GRID2: variants seen among roughly 807,000 people sequenced by gnomAD.
GRID2 encodes the protein glutamate receptor ionotropic, delta-2.
A neutral mutation model predicts 114.8 loss-of-function variants in GRID2; 33 were observed. The ratio of observed to expected loss-of-function variants is 0.29; its 90% confidence interval spans 0.22 to 0.38. The LOEUF is 0.38. Among genes scored for constraint, GRID2 ranks in the 10% least tolerant of loss-of-function variants. GRID2 has a pLI of 1.00. For missense variants in GRID2, 1,184 were observed against 1,257.7 expected, an observed-to-expected ratio of 0.94 and a Z score of 0.89; for synonymous variants, 505 against 449.9, an observed-to-expected ratio of 1.12 and a Z score of -1.55.
At chr4:93,217,870 A>G (rs1356974089) in intron 6 of GRID2, among the ~76,000 whole-genome samples, 1 of 152,094 alleles carries the variant, frequency 6.6e-6, no homozygotes, top group Admixed American at 6.6e-5. Flanking sequence ...AGAAGTAAGC[A>G]AAACCTAATA....
At chr4:93,325,711 T>C (rs1467577649) in intron 8 of GRID2, among the ~76,000 whole-genome samples, 1 of 66,474 alleles carries the variant, frequency 1.5e-5, no homozygotes, top group Non-Finnish European at 3.6e-5. Context: ...TCATTTTTCT[T>C]CTTTAAACTT....
chr4:93,178,995 T>C (rs950796151), intron 4 of GRID2, among the ~76,000 whole-genome samples: 25 of 152,122 alleles, frequency 1.6e-4, no homozygotes, highest in Non-Finnish European at 4.4e-5. Context: ...GGACCTATGC[T>C]AATAGTTTTG....
At chr4:93,554,983 C>G (rs1330050990) in intron 13 of GRID2, among the ~76,000 whole-genome samples, 1 of 152,130 alleles carries the variant, frequency 6.6e-6, no homozygotes, top group African/African-American at 2.4e-5. Flanking sequence ...TTGGGCATCA[C>G]CTCACCCAGG....
intron 2 of GRID2, among the ~76,000 whole-genome samples, chr4:92,678,647 TAAAAA>T (rs77009969): frequency 6.9e-6 from 1 of 145,556 alleles, no homozygotes; most frequent in Non-Finnish European, 1.5e-5. Context: ...ATGAGCACCT[TAAAAA>T]AAAAAACCTT....
At chr4:93,435,852 G>A (rs913023961) in intron 10 of GRID2, among the ~76,000 whole-genome samples, 1 of 152,104 alleles carries the variant, frequency 6.6e-6, no homozygotes, top group African/African-American at 2.4e-5. Context: ...TGATATATGA[G>A]TCTGGAGTTC....
chr4:93,729,441 A>T (rs1225655865), intron 14 of GRID2, among the ~76,000 whole-genome samples: 1 of 152,120 alleles, frequency 6.6e-6, no homozygotes, highest in East Asian at 1.9e-4. Context: ...ACAGTGTCGT[A>T]TGTCTTCTTC....
chr4:92,452,414 T>A (rs1271959953), intron 1 of GRID2, among the ~76,000 whole-genome samples: 1 of 151,728 alleles, frequency 6.6e-6, no homozygotes, highest in Non-Finnish European at 1.5e-5. Flanking sequence ...GCCTCCTAAG[T>A]TCAAGCAATT....
intron 1 of GRID2, among the ~76,000 whole-genome samples, chr4:92,583,871 ACACATATG>A (rs1444266048): frequency 6.7e-6 from 1 of 149,404 alleles, no homozygotes; most frequent in Non-Finnish European, 1.5e-5. Flanking sequence ...ATAAATATAT[ACACATATG>A]CATATGTGCA....
chr4:92,759,714 C>T (rs1737897002), intron 2 of GRID2, among the ~76,000 whole-genome samples: 1 of 152,004 alleles, frequency 6.6e-6, no homozygotes, highest in African/African-American at 2.4e-5. Context: ...AAGGATTCTC[C>T]TGTCTCAGTT....
chr4:93,024,418 A>G (rs1014700373), intron 2 of GRID2, among the ~76,000 whole-genome samples: 1 of 151,792 alleles, frequency 6.6e-6, no homozygotes, highest in Admixed American at 6.6e-5. Flanking sequence ...AAAAATTTCA[A>G]TTTACTTAGC....
intron 1 of GRID2, among the ~76,000 whole-genome samples, chr4:92,497,138 T>C (rs1461055864): frequency 6.6e-6 from 1 of 151,832 alleles, no homozygotes; most frequent in African/African-American, 2.4e-5. Context: ...AACTTTCCTC[T>C]GGTTAAAAAA....
chr4:92,320,619 C>T (rs1726261613), intron 1 of GRID2, among the ~76,000 whole-genome samples: 2 of 151,876 alleles, frequency 1.3e-5, no homozygotes, highest in Non-Finnish European at 1.5e-5. Context: ...GGATTACAGG[C>T]ACACGCCACC....
chr4:93,490,803 C>T, intron 12 of GRID2, 26 bp downstream of exon 12: 1 of 1,543,952 alleles, frequency 6.5e-7, no homozygotes, highest in Non-Finnish European at 8.9e-7. Context: ...TTCCATTAGC[C>T]ACAAAATATG....
chr4:93,221,988 C>T (rs955946451), intron 6 of GRID2, among the ~76,000 whole-genome samples: 2 of 152,102 alleles, frequency 1.3e-5, no homozygotes, highest in Non-Finnish European at 2.9e-5. Flanking sequence ...CCCAGGTTAC[C>T]AGATTTTTCG....
chr4:92,385,900 GTATATA>G (rs34904839), intron 1 of GRID2, among the ~76,000 whole-genome samples: 87 of 61,118 alleles, frequency 1.4e-3, no homozygotes, highest in African/African-American at 2.9e-3. Context: ...GTGTGTGTGT[GTATATA>G]TATATATATA....
intron 14 of GRID2, among the ~76,000 whole-genome samples, chr4:93,646,277 A>G (rs902185594): frequency 6.7e-6 from 1 of 148,346 alleles, no homozygotes; most frequent in African/African-American, 2.4e-5. Flanking sequence ...GGGACACAGA[A>G]GACTATCCAA....
intron 10 of GRID2, among the ~76,000 whole-genome samples, chr4:93,446,017 T>C (rs1722057805): frequency 6.6e-6 from 1 of 152,004 alleles, no homozygotes; most frequent in Non-Finnish European, 1.5e-5. Context: ...AATTTCTGTT[T>C]TTCACGTGAC....
intron 2 of GRID2, among the ~76,000 whole-genome samples, chr4:92,682,620 G>A (rs143880986): frequency 6.6e-6 from 1 of 151,756 alleles, no homozygotes; most frequent in East Asian, 1.9e-4. Context: ...AGACACCCAG[G>A]GGCAATCAGC....
intron 11 of GRID2, among the ~76,000 whole-genome samples, chr4:93,488,309 A>AT (rs1262502239): frequency 6.6e-6 from 1 of 151,986 alleles, no homozygotes; most frequent in African/African-American, 2.4e-5. Flanking sequence ...AGAAGAAGGT[A>AT]TCTAAAATGC....
Sources: gnomAD v4.1 joint callset for allele counts (sites outside exome capture counted in the v4.1 genomes callset) on GRCh38, gnomAD v4.1.1 for gene constraint, MANE v1.5 for transcripts, NCBI Gene and HGNC (gene_info 2026-07-23, HGNC 2026-07-21) for gene names.